AOAH: variants seen among roughly 807,000 people sequenced by gnomAD.
The protein encoded by AOAH is acyloxyacyl hydrolase (neutrophil).
AOAH carries 64 observed loss-of-function variants against 92.2 expected under a neutral mutation model. That is an observed-to-expected ratio of 0.69 (90% CI 0.57 to 0.86). The LOEUF (loss-of-function observed/expected upper bound fraction) is 0.86, where lower values mean the gene tolerates loss of function less well. AOAH is among the 40% of genes least tolerant of loss of function. The pLI is 0.00. For missense variants in AOAH, 656 were observed against 694.6 expected (o/e 0.94, Z 0.62); for synonymous variants, 263 against 254.5 (o/e 1.03, Z -0.32).
intron 15 of AOAH, among the ~76,000 whole-genome samples, chr7:36,546,787 C>T (rs950099801): frequency 1.8e-4 from 28 of 152,162 alleles, no homozygotes; most frequent in Non-Finnish European, 2.6e-4. Flanking sequence ...TGTTCTGTTT[C>T]GTGATGGCAG....
rs1792338345 is a variant in AOAH at position 36,622,279 on chromosome 7, C to T, written c.583-499G>A. Reference sequence around the variant, plus strand: ...AACTTCCCAAAAACCCTCTACTAACCATCAGTCCTCTCTGGCTGTAAAACA... The same window carrying T: ...AACTTCCCAAAAACCCTCTACTAACTATCAGTCCTCTCTGGCTGTAAAACA... On this transcript the variant is annotated intron_variant, in intron 7 of 20. Coordinates refer to ENST00000617537, the MANE Select transcript of AOAH (RefSeq NM_001637.4). 2.6e-5 allele frequency among the ~76,000 whole-genome samples: 4 copies of T among 152,170 alleles called. No individual in the cohort carries two copies. The South Asian group carries it at 8.3e-4, about 32-fold the overall frequency.
chr7:36,649,380 G>A (rs1171812386), intron 4 of AOAH, among the ~76,000 whole-genome samples: 1 of 152,186 alleles, frequency 6.6e-6, no homozygotes, highest in Non-Finnish European at 1.5e-5. Flanking sequence ...TAATTAGTCA[G>A]CATGAGAGAC....
At chr7:36,530,689 T>G in intron 18 of AOAH, 175 bp from the exon 19 acceptor site, 1 of 549,548 alleles carries the variant, frequency 1.8e-6, no homozygotes, top group South Asian at 2.5e-5. Flanking sequence ...AAATGGCCAG[T>G]GAACATGAGA....
chr7:36,668,188 G>A (rs1007998151), intron 3 of AOAH, among the ~76,000 whole-genome samples: 2 of 148,416 alleles, frequency 1.3e-5, no homozygotes, highest in African/African-American at 4.9e-5. Flanking sequence ...AAACATGAGA[G>A]GTTTTTGTGT....
intron 4 of AOAH, among the ~76,000 whole-genome samples, chr7:36,642,275 C>T (rs1793966378): frequency 6.6e-6 from 1 of 151,888 alleles, no homozygotes; most frequent in Admixed American, 6.6e-5. Context: ...GCTGCTAATC[C>T]AGTATTATTA....
At chr7:36,692,021 T>A (rs1354566595) in intron 1 of AOAH, among the ~76,000 whole-genome samples, 1 of 152,038 alleles carries the variant, frequency 6.6e-6, no homozygotes, top group Non-Finnish European at 1.5e-5. Context: ...GCTGCAGGAG[T>A]GAGCCCCAGG....
chr7:36,549,575 C>G lies in AOAH; in HGVS notation c.1022-100G>C, dbSNP rs192489643. ...GACTGAACTCATGAAAGCGGCATTA[C>G]TGTTCGGGCAAAGGTTGTTCTGACC... is the stretch of plus-strand genomic sequence containing the variant. On this transcript the variant is annotated intron_variant, in intron 13 of 20. Transcript: ENST00000617537. The G allele has an allele frequency of 9.9e-6, 8 of 808,406 alleles. No individual in the cohort carries two copies. In the East Asian group the frequency reaches 2.0e-4, roughly 20 times the overall value. 50.1% of individuals were successfully genotyped at this position (808,406 alleles called of 1,614,324 possible). A position where few individuals can be genotyped will look rare whatever the true frequency, so the allele number is the denominator to read the frequency against.
intron 13 of AOAH, among the ~76,000 whole-genome samples, chr7:36,561,325 AGCC>A (rs1787247512): frequency 6.6e-6 from 1 of 152,198 alleles, no homozygotes. Flanking sequence ...TACAGGCATG[AGCC>A]ACCATGCCCA....
At chr7:36,545,936 C>G (rs1406215227) in intron 15 of AOAH, among the ~76,000 whole-genome samples, 9 of 152,184 alleles carry the variant, frequency 5.9e-5, no homozygotes, top group Non-Finnish European at 1.3e-4. Flanking sequence ...CCAACATTTG[C>G]CTTGTTTTCA....
chr7:36,514,838 T>G (rs760780769), intron 20 of AOAH, among the ~76,000 whole-genome samples: 6 of 152,004 alleles, frequency 3.9e-5, no homozygotes, highest in Non-Finnish European at 8.8e-5. Flanking sequence ...AGCCCTCTCA[T>G]CTGGACATTG....
chr7:36,537,002 C>G (rs1209177677), intron 16 of AOAH, among the ~76,000 whole-genome samples: 2 of 151,392 alleles, frequency 1.3e-5, no homozygotes, highest in African/African-American at 4.9e-5. Flanking sequence ...AATGCAGCCC[C>G]CTCTTGAAGT....
chr7:36,679,314 A>G (rs183307134), intron 2 of AOAH, among the ~76,000 whole-genome samples: 38 of 151,002 alleles, frequency 2.5e-4, no homozygotes, highest in Non-Finnish European at 2.2e-4. Flanking sequence ...TAAAAATAAA[A>G]AAAAGTATTG....
Position 36,534,234 on chromosome 7 carries a change from T to C in AOAH, c.1307-1890A>G, listed in dbSNP as rs561463970. Reference sequence around the variant, plus strand: ...CGCTGCCTGATGCCCTCTCCTGCTGTCCTTCTGCTGATGGCCAGCACAGCT... The same window carrying C: ...CGCTGCCTGATGCCCTCTCCTGCTGCCCTTCTGCTGATGGCCAGCACAGCT... On this transcript the variant is annotated intron_variant, in intron 16 of 20. Transcript: ENST00000617537. 1.2e-4 allele frequency among the ~76,000 whole-genome samples: 18 copies of C among 152,276 alleles called. No individual in the cohort carries two copies. The South Asian group carries it at 3.7e-3, about 32-fold the overall frequency.
chr7:36,572,969 C>G (rs1788237003), intron 13 of AOAH, among the ~76,000 whole-genome samples: 1 of 152,192 alleles, frequency 6.6e-6, no homozygotes, highest in African/African-American at 2.4e-5. Context: ...TGAATGAGAT[C>G]CAGGGTCACC....
chr7:36,537,697 A>G (rs1256200599), intron 16 of AOAH, among the ~76,000 whole-genome samples: 1 of 151,248 alleles, frequency 6.6e-6, no homozygotes, highest in East Asian at 2.0e-4. Context: ...TTTTTTTTGT[A>G]TTTTTAGCAG....
At position 36,626,104 on chromosome 7, in the gene AOAH, C is replaced by T. The variant is rs143302886; in HGVS notation, c.522-2854G>A. Among the ~76,000 whole-genome samples the T allele has an allele frequency of 4.1e-3, 626 of 152,024 alleles. 5 individuals are homozygous for T. The highest frequency in any genetic ancestry group is 0.014 in the African/African-American group (599 of 41,442). The stretch of plus-strand genomic sequence containing the variant: ...TGTATGTATTTGGCCTCTTGGACAG[C>T]GTGTATTTTTCTAGTTGAGAAAAGG... On this transcript the variant is annotated intron_variant, in intron 6 of 20. Coordinates refer to ENST00000617537, the MANE Select transcript of AOAH (RefSeq NM_001637.4).
intron 6 of AOAH, among the ~76,000 whole-genome samples, chr7:36,625,346 G>A (rs1179284441): frequency 1.3e-5 from 2 of 152,138 alleles, no homozygotes; most frequent in African/African-American, 2.4e-5. Flanking sequence ...TCACCAGCTC[G>A]GCAATTCTCA....
At chr7:36,600,573 G>C (rs932030497) in intron 11 of AOAH, among the ~76,000 whole-genome samples, 1 of 151,520 alleles carries the variant, frequency 6.6e-6, no homozygotes, top group African/African-American at 2.4e-5. Flanking sequence ...GACTTGCCAA[G>C]GTCATAGATC....
intron 4 of AOAH, among the ~76,000 whole-genome samples, chr7:36,656,795 G>T (rs1794917100): frequency 6.8e-6 from 1 of 147,448 alleles, no homozygotes; most frequent in East Asian, 2.0e-4. Flanking sequence ...GGTAAAGTCT[G>T]CTGACTTCAC....
Sources: gnomAD v4.1 joint callset for allele counts (sites outside exome capture counted in the v4.1 genomes callset) on GRCh38, gnomAD v4.1.1 for gene constraint, MANE v1.5 for transcripts, NCBI Gene and HGNC (gene_info 2026-07-23, HGNC 2026-07-21) for gene names.